INVS: variants seen among roughly 807,000 people sequenced by gnomAD.
INVS encodes the protein inversin, also known as inversion of embryo turning homolog.
A neutral mutation model predicts 108.8 loss-of-function variants in INVS; 86 were observed. The ratio of observed to expected loss-of-function variants is 0.79; its 90% CI spans 0.66 to 0.95. The LOEUF is 0.95. Ranked by LOEUF, INVS falls within the 40% of genes least tolerant of loss-of-function variation. INVS has a pLI of 0.00. For synonymous variants in INVS, 455 were observed against 473.5 expected, an observed-to-expected ratio of 0.96 and a Z score of 0.51; for missense variants, 1,169 against 1,297.4, an observed-to-expected ratio of 0.90 and a Z score of 1.52.
intron 2 of INVS, among the ~76,000 whole-genome samples, chr9:100,110,758 A>T (rs1488654105): frequency 2.0e-5 from 3 of 152,238 alleles, no homozygotes; most frequent in African/African-American, 7.2e-5. Context: ...TTATGAATGT[A>T]TTAAATAGCA....
At chr9:100,167,655 C>T (rs13297769) in intron 3 of INVS, among the ~76,000 whole-genome samples, 1,651 of 152,276 alleles carry the variant, frequency 0.011, 16 homozygotes, top group African/African-American at 0.016. Flanking sequence ...ATTTATCTTG[C>T]TTATTGTCTT....
At chr9:100,200,131 T>C (rs1299397019) in intron 3 of INVS, among the ~76,000 whole-genome samples, 1 of 152,196 alleles carries the variant, frequency 6.6e-6, no homozygotes, top group Non-Finnish European at 1.5e-5. Flanking sequence ...ATTCTGGAAC[T>C]TCCAATTGTT....
At chr9:100,112,264 G>A (rs1298990486) in intron 2 of INVS, among the ~76,000 whole-genome samples, 1 of 152,176 alleles carries the variant, frequency 6.6e-6, no homozygotes. Flanking sequence ...GAGCCACCAC[G>A]CCCAGCCGGG....
intron 4 of INVS, among the ~76,000 whole-genome samples, chr9:100,227,218 T>C (rs911411661): frequency 2.6e-5 from 4 of 152,252 alleles, no homozygotes; most frequent in African/African-American, 4.8e-5. Flanking sequence ...AGTGCTATTA[T>C]ACTTGTGGCT....
intron 3 of INVS, among the ~76,000 whole-genome samples, chr9:100,141,791 C>T (rs1222795355): frequency 6.6e-6 from 1 of 152,118 alleles, no homozygotes; most frequent in African/African-American, 2.4e-5. Flanking sequence ...GATAGATTTC[C>T]AGGATGGAAA....
intron 12 of INVS, among the ~76,000 whole-genome samples, chr9:100,276,596 C>T (rs1833121024): frequency 6.6e-6 from 1 of 152,166 alleles, no homozygotes; most frequent in Non-Finnish European, 1.5e-5. Flanking sequence ...GCAACCTCCA[C>T]CTCCTGGGTT....
At chr9:100,232,237 G>A (rs1831536079) in intron 5 of INVS, among the ~76,000 whole-genome samples, 1 of 151,806 alleles carries the variant, frequency 6.6e-6, no homozygotes, top group South Asian at 2.1e-4. Flanking sequence ...GTTCCTTGTA[G>A]ATTCTGGATA....
chr9:100,126,196 T>A (rs993219027), intron 2 of INVS, among the ~76,000 whole-genome samples, 187 bp from the exon 3 acceptor site: 1 of 152,240 alleles, frequency 6.6e-6, no homozygotes, highest in African/African-American at 2.4e-5. Flanking sequence ...GACTGGTTAC[T>A]TAACTTATTT....
chr9:100,232,607 G>A (rs1388096837), intron 5 of INVS, among the ~76,000 whole-genome samples: 3 of 152,196 alleles, frequency 2.0e-5, no homozygotes, highest in African/African-American at 7.2e-5. Context: ...TTAGGAAATA[G>A]GGAATCCTTT....
intron 11 of INVS, among the ~76,000 whole-genome samples, chr9:100,271,724 T>C (rs1229809196): frequency 6.6e-6 from 1 of 152,218 alleles, no homozygotes; most frequent in Non-Finnish European, 1.5e-5. Context: ...TTCTCTTAAA[T>C]GAGTGAGGTT....
chr9:100,135,455 G>A (rs950277572), intron 3 of INVS, among the ~76,000 whole-genome samples: 1 of 152,200 alleles, frequency 6.6e-6, no homozygotes, highest in Non-Finnish European at 1.5e-5. Flanking sequence ...GCCAGAGAAT[G>A]TGCTTATCTA....
chr9:100,239,798 C>T (rs1831807625), intron 5 of INVS, among the ~76,000 whole-genome samples: 1 of 151,848 alleles, frequency 6.6e-6, no homozygotes, highest in Non-Finnish European at 1.5e-5. Flanking sequence ...ATGGCAATAC[C>T]CCATCTCTAC....
intron 3 of INVS, among the ~76,000 whole-genome samples, chr9:100,148,547 A>G (rs1206402917): frequency 6.6e-6 from 1 of 152,338 alleles, no homozygotes; most frequent in Non-Finnish European, 1.5e-5. Flanking sequence ...GCACCAGACA[A>G]ATTACTCTAG....
chr9:100,291,349 C>T (rs1360845977), intron 13 of INVS, among the ~76,000 whole-genome samples: 3 of 152,168 alleles, frequency 2.0e-5, no homozygotes, highest in Admixed American at 6.5e-5. Context: ...CATGAGCCAC[C>T]GTGCCTGGCA....
chr9:100,181,432 A>G (rs1223359782), intron 3 of INVS, among the ~76,000 whole-genome samples: 1 of 152,220 alleles, frequency 6.6e-6, no homozygotes, highest in East Asian at 1.9e-4. Flanking sequence ...CTCGGGATAC[A>G]AAATCAATGT....
intron 6 of INVS, 115 bp from the exon 7 acceptor site, chr9:100,242,455 C>G (rs1831908101): frequency 1.5e-6 from 1 of 675,464 alleles, no homozygotes; most frequent in Non-Finnish European, 2.7e-6. Context: ...TGTTCAGAAA[C>G]CGTTGTGAAT....
intron 3 of INVS, among the ~76,000 whole-genome samples, chr9:100,134,894 A>G (rs1272645647): frequency 6.6e-6 from 1 of 152,212 alleles, no homozygotes; most frequent in Non-Finnish European, 1.5e-5. Context: ...CATAGACATT[A>G]TGTTGAGTGG....
rs564468737 is a variant in INVS at position 100,249,165 on chromosome 9, C to T, written c.1078+2378C>T. Among the ~76,000 whole-genome samples the T allele has an allele frequency of 2.0e-5, 3 of 152,080 alleles. No individual in the cohort carries two copies. In the South Asian group the frequency reaches 6.2e-4, roughly 32 times the overall value. ...TTTATAAAACACCTAACATATAAAG[C>T]AAGTAAGGGTTGAGTGGTTCTGACT... On this transcript the variant is annotated intron_variant, in intron 8 of 16. Transcript: ENST00000262457.
chr9:100,246,620 C>T lies in INVS; in HGVS notation c.911C>T (p.Thr304Met), dbSNP rs550039026. Reference sequence around the variant, plus strand: ...TTAAATCAAGTTTTCTTACAGGAAACGGTTAAAGTGTTTTTAAAACATCCT... The same window carrying T: ...TTAAATCAAGTTTTCTTACAGGAAATGGTTAAAGTGTTTTTAAAACATCCT... ...HYAAQSNFAE[T>M]VKVFLKHPSV... Residue 304 changes from threonine to methionine, a missense_variant, in exon 8 of 17, where the codon ACG becomes ATG. Around this residue, in one of 3 missense-constraint regions of INVS, gnomAD observed 365 missense variants for 397.5 expected, o/e 0.92. Coordinates refer to ENST00000262457, the MANE Select transcript of INVS (RefSeq NM_014425.5). 7.4e-6 allele frequency: 12 copies of T among 1,612,090 alleles called. No homozygotes were observed. The highest frequency in any genetic ancestry group is 2.2e-5 in the East Asian group (1 of 44,838).
Sources: allele counts gnomAD v4.1 joint callset (sites outside exome capture counted in the v4.1 genomes callset), GRCh38; gene constraint gnomAD v4.1.1; regional missense constraint gnomAD v4.1.1; transcripts MANE v1.5; gene names NCBI Gene and HGNC (gene_info 2026-07-23, HGNC 2026-07-21).